The following TNR variants were observed in gnomAD, a reference collection of about 807,000 sequenced individuals.
TNR encodes the protein tenascin R.
TNR carries 45 observed loss-of-function variants against 150.4 expected under a neutral mutation model. The observed-to-expected ratio is 0.30, with a 90% CI of 0.24 to 0.38. The LOEUF (loss-of-function observed/expected upper bound fraction) is 0.38, where lower values mean the gene tolerates loss of function less well. TNR is among the 10% of genes least tolerant of loss of function. The probability of loss-of-function intolerance (pLI) is 1.00; values close to 1 mark genes in which losing one functional copy is unlikely to be tolerated. For missense variants in TNR, 1,544 were observed against 1,759.1 expected (o/e 0.88, Z 2.19); for synonymous variants, 687 against 678.4 (o/e 1.01, Z -0.20).
chr1:175,517,035 G>C (rs1659437009), intron 2 of TNR, among the ~76,000 whole-genome samples: 1 of 150,414 alleles, frequency 6.6e-6, no homozygotes, highest in East Asian at 1.9e-4. Flanking sequence ...GAGAGAGAGA[G>C]AGAGAGAGAG....
At chr1:175,669,414 C>T (rs1665628209) in intron 1 of TNR, among the ~76,000 whole-genome samples, 1 of 152,184 alleles carries the variant, frequency 6.6e-6, no homozygotes, top group Admixed American at 6.5e-5. Context: ...TACTCCATTA[C>T]CCACATCAAA....
chr1:175,674,205 G>A lies in TNR; in HGVS notation c.-165+69021C>T, dbSNP rs538752046. On this transcript the variant is annotated intron_variant, in intron 1 of 22. Coordinates refer to ENST00000367674, the MANE Select transcript of TNR (RefSeq NM_003285.3). ...GAGTCCTACCTGGGGAAAAGTTAAA[G>A]GAAAAGGGAAAAGGGCCAAGGAAGT... Among the ~76,000 whole-genome samples the A allele has an allele frequency of 3.3e-5, 5 of 152,330 alleles. 1 individual carries two copies. In the South Asian group the frequency reaches 1.0e-3, roughly 32 times the overall value.
rs1230604839 is a variant in TNR, at chr1:175,406,429, C to T, written c.286G>A (p.Glu96Lys). 5.0e-6 allele frequency: 8 copies of T among 1,614,026 alleles called. No homozygotes were observed. Among genetic ancestry groups the T allele is most frequent in the East Asian group, 2.2e-5 (1 of 44,894 alleles). ...SAEQEVSAED[E>K]TLAEYMGQTS... is the part of the protein sequence containing the mutation. ...TGGCCCATGTACTCTGCCAGAGTCT[C>T]GTCTTCTGCACTCACCTCCTGCTCA... Residue 96 changes from glutamate to lysine, a missense_variant, in exon 3 of 23, where the codon GAG (glutamate) becomes AAG (lysine). This residue lies in a region of TNR where 1,254 missense variants were observed against 1,329.4 expected (regional missense o/e 0.94). Transcript: ENST00000367674.
intron 1 of TNR, among the ~76,000 whole-genome samples, chr1:175,673,354 T>C (rs1558066180): frequency 6.6e-6 from 1 of 152,220 alleles, no homozygotes. Context: ...GGGAGGCAAT[T>C]AAACAGACAG....
intron 4 of TNR, among the ~76,000 whole-genome samples, chr1:175,398,426 C>T (rs1372107012): frequency 6.6e-6 from 1 of 152,206 alleles, no homozygotes; most frequent in African/African-American, 2.4e-5. Flanking sequence ...GTTTTATAAA[C>T]TGTATCACCT....
chr1:175,546,561 C>A (rs4652096), intron 1 of TNR, among the ~76,000 whole-genome samples: 2 of 151,998 alleles, frequency 1.3e-5, no homozygotes, highest in East Asian at 3.9e-4. Context: ...CTTTTCAGCG[C>A]TCAAAGCTGG....
At chr1:175,621,554 T>C (rs1323662899) in intron 1 of TNR, among the ~76,000 whole-genome samples, 1 of 152,226 alleles carries the variant, frequency 6.6e-6, no homozygotes, top group East Asian at 1.9e-4. Flanking sequence ...TCCTAATGTA[T>C]TAAATGGGTT....
At chr1:175,367,715 T>C (rs576162299) in intron 9 of TNR, among the ~76,000 whole-genome samples, 2 of 152,304 alleles carry the variant, frequency 1.3e-5, no homozygotes, top group South Asian at 4.1e-4. Flanking sequence ...AAGCATTCCT[T>C]GAATGTTATA....
chr1:175,581,418 A>G lies in TNR; in HGVS notation c.-164-53049T>C, dbSNP rs112488934. On this transcript the variant is annotated intron_variant, in intron 1 of 22. Coordinates refer to ENST00000367674, the MANE Select transcript of TNR (RefSeq NM_003285.3). ...GAGGTCCCAGCTCATCAGAAATTCT[A>G]TCTTCGGCAGCCATGAGCAGATGGA... Among the ~76,000 whole-genome samples the G allele has an allele frequency of 9.3e-3, 1,415 of 152,310 alleles. 26 individuals carry two copies. The highest frequency in any genetic ancestry group is 0.031 in the African/African-American group (1,280 of 41,556).
chr1:175,655,159 G>A (rs1377035809), intron 1 of TNR, among the ~76,000 whole-genome samples: 1 of 152,124 alleles, frequency 6.6e-6, no homozygotes, highest in African/African-American at 2.4e-5. Flanking sequence ...GGTGGGGATG[G>A]TGGCTTGTTC....
chr1:175,347,195 C>A (rs1650836000), intron 18 of TNR, among the ~76,000 whole-genome samples: 1 of 151,964 alleles, frequency 6.6e-6, no homozygotes, highest in African/African-American at 2.4e-5. Flanking sequence ...AGTATACTAA[C>A]TGATAAAAGT....
At chr1:175,377,399 T>G (rs1256207093) in intron 9 of TNR, among the ~76,000 whole-genome samples, 1 of 151,834 alleles carries the variant, frequency 6.6e-6, no homozygotes, top group Non-Finnish European at 1.5e-5. Flanking sequence ...CAAATTAGCC[T>G]GCGGCTCTAG....
At chr1:175,615,028 G>A (rs1458174521) in intron 1 of TNR, among the ~76,000 whole-genome samples, 5 of 152,244 alleles carry the variant, frequency 3.3e-5, no homozygotes, top group Non-Finnish European at 5.9e-5. Flanking sequence ...ACCTGAGTGG[G>A]GCTGGTGAAA....
intron 2 of TNR, among the ~76,000 whole-genome samples, chr1:175,508,029 A>T (rs982002764): frequency 5.3e-5 from 8 of 152,168 alleles, no homozygotes; most frequent in African/African-American, 1.9e-4. Context: ...CAAACACCAC[A>T]TGTTCTCACT....
intron 2 of TNR, among the ~76,000 whole-genome samples, chr1:175,460,168 G>C (rs1318576648): frequency 1.3e-5 from 2 of 152,138 alleles, no homozygotes; most frequent in Non-Finnish European, 2.9e-5. Context: ...AGGTGTGAGA[G>C]GGGAGGCAGG....
At chr1:175,731,288 A>G (rs1387763651) in intron 1 of TNR, among the ~76,000 whole-genome samples, 1 of 152,230 alleles carries the variant, frequency 6.6e-6, no homozygotes, top group African/African-American at 2.4e-5. Flanking sequence ...TGCGATCTCA[A>G]TTCTGTCACT....
At chr1:175,623,563 CACCCACA>C (rs1294722775) in intron 1 of TNR, among the ~76,000 whole-genome samples, 3 of 152,192 alleles carry the variant, frequency 2.0e-5, no homozygotes, top group African/African-American at 7.2e-5. Flanking sequence ...CCCCGTGGGA[CACCCACA>C]CTAACCTCTA....
chr1:175,628,508 G>A (rs1035660426), intron 1 of TNR, among the ~76,000 whole-genome samples: 6 of 149,220 alleles, frequency 4.0e-5, no homozygotes, highest in Admixed American at 4.0e-4. Context: ...AAAACGTAAA[G>A]TATAATAATA....
intron 18 of TNR, among the ~76,000 whole-genome samples, chr1:175,352,756 G>GAGCATTTATTCTTAAATTCAATAC (rs1651115760): frequency 6.6e-6 from 1 of 152,170 alleles, no homozygotes; most frequent in Non-Finnish European, 1.5e-5. Flanking sequence ...GCTCATTTAA[G>GAGCATTTATTCTTAAATTCAATAC]ATACTTTGTG....
Sources: allele counts gnomAD v4.1 joint callset (sites outside exome capture counted in the v4.1 genomes callset), GRCh38; gene constraint gnomAD v4.1.1; regional missense constraint gnomAD v4.1.1; transcripts MANE v1.5; gene names NCBI Gene and HGNC (gene_info 2026-07-23, HGNC 2026-07-21).